ACAN: variants seen among roughly 807,000 people sequenced by gnomAD.
ACAN encodes aggrecan core protein.
Under a neutral mutation model 169.1 loss-of-function variants are expected in ACAN, and 47 were observed. That is an observed-to-expected ratio of 0.28 (90% CI 0.22 to 0.35). The LOEUF (loss-of-function observed/expected upper bound fraction) is 0.35, where lower values mean the gene tolerates loss of function less well. Among genes scored for constraint, ACAN ranks in the 10% least tolerant of loss-of-function variants. The pLI, the probability that ACAN is intolerant of heterozygous loss-of-function variation, is 1.00. For synonymous variants in ACAN, 1,115 were observed against 1,112.2 expected, an observed-to-expected ratio of 1.00 and a Z score of -0.05; for missense variants, 2,716 against 2,759.9, an observed-to-expected ratio of 0.98 and a Z score of 0.36.
At chr15:88,837,457 C>T (rs1347628010) in intron 2 of ACAN, among the ~76,000 whole-genome samples, 2 of 152,236 alleles carry the variant, frequency 1.3e-5, no homozygotes, top group African/African-American at 2.4e-5. Context: ...CATCTGTAGA[C>T]ATATGGGACA....
rs1472201561 is a variant in ACAN, at chr15:88,869,898, T to A, written c.7061-1484T>A. Among the ~76,000 whole-genome samples the A allele has an allele frequency of 6.6e-6, 1 of 152,050 alleles. No individual in the cohort carries two copies. Among genetic ancestry groups the A allele is most frequent in the African/African-American group, 2.4e-5 (1 of 41,384 alleles). On this transcript the variant is annotated intron_variant, in intron 14 of 18. Coordinates refer to ENST00000560601, the MANE Select transcript of ACAN (RefSeq NM_001369268.1). The surrounding 1 kb of genome is among the most constrained non-coding windows in gnomAD (Gnocchi z 4.2). ...ATCTTCAGCCTGCACAGCCCTGCCCTCCCATACCCACCTCCCAGAGAAGTT... is the reference window on the plus strand; with the variant it reads ...ATCTTCAGCCTGCACAGCCCTGCCCACCCATACCCACCTCCCAGAGAAGTT...
Position 88,866,624 on chromosome 15 carries a change from A to T in ACAN, c.6947-1592A>T, listed in dbSNP as rs1285328242. Among the ~76,000 whole-genome samples the T allele has an allele frequency of 1.3e-5, 2 of 152,006 alleles. No individual in the cohort carries two copies. Among genetic ancestry groups the T allele is most frequent in the African/African-American group, 4.8e-5 (2 of 41,392 alleles). ...TCATGGGAAGAAAGAGATGCCCAAC[A>T]ACTGGAGATTAGGGCCTTCGTGGAT... is the stretch of plus-strand genomic sequence containing the variant. On this transcript the variant is annotated intron_variant, in intron 13 of 18. Transcript: ENST00000560601. This position sits in a 1 kb window ranked among gnomAD's most constrained non-coding sequence, Gnocchi z 5.6.
intron 4 of ACAN, 38 bp from the exon 5 acceptor site, chr15:88,841,702 C>A: frequency 6.2e-7 from 1 of 1,613,028 alleles, no homozygotes; most frequent in Non-Finnish European, 8.5e-7. Context: ...TTCCCTTTGT[C>A]CCCTGAGTGT....
chr15:88,830,389 T>A (rs1596124457), intron 1 of ACAN, among the ~76,000 whole-genome samples: 2 of 152,220 alleles, frequency 1.3e-5, no homozygotes, highest in South Asian at 2.1e-4. Flanking sequence ...TCCAGCAACA[T>A]GTGCAGTGGA....
At position 88,858,931 on chromosome 15, in the gene ACAN, G is replaced by T; in HGVS notation, c.6346G>T (p.Ala2116Ser). 6.2e-7 allele frequency: 1 copy of T among 1,609,588 alleles called. No individual in the cohort carries two copies. The highest frequency in any genetic ancestry group is 8.5e-7 in the Non-Finnish European group (1 of 1,176,792). ...YPEAGFGASAAPEASREDSGS... is the reference protein window; with the variant it reads ...YPEAGFGASASPEASREDSGS... ...TGAAGCTGGGTTCGGGGCATCTGCC[G>T]CCCCTGAGGCCAGCAGAGAAGATTC... Residue 2116 changes from alanine (A) to serine (S), a missense_variant, in exon 12 of 19, where the codon GCC becomes TCC. Physicochemically the swap from Ala to Ser is moderately conservative, Grantham distance 99. This residue lies in a region of ACAN where 1,389 missense variants were observed against 1,363.7 expected (regional missense o/e 1.02). Coordinates refer to ENST00000560601, the MANE Select transcript of ACAN (RefSeq NM_001369268.1). This position sits in a 1 kb window ranked among gnomAD's most constrained non-coding sequence, Gnocchi z 4.0.
chr15:88,825,262 C>T (rs1896184749), intron 1 of ACAN, among the ~76,000 whole-genome samples: 1 of 152,146 alleles, frequency 6.6e-6, no homozygotes, highest in Non-Finnish European at 1.5e-5. Context: ...TGCTCCCACC[C>T]CCTCCAGCAG....
At position 88,838,479 on chromosome 15, in the gene ACAN, A is replaced by G. The variant is rs1190144902; in HGVS notation, c.71-184A>G. 1.3e-5 allele frequency among the ~76,000 whole-genome samples: 2 copies of G among 151,868 alleles called. No individual in the cohort carries two copies. The highest frequency in any genetic ancestry group is 3.9e-4 in the East Asian group (2 of 5,174). On this transcript the variant is annotated intron_variant, in intron 2 of 18. Coordinates refer to ENST00000560601, the MANE Select transcript of ACAN (RefSeq NM_001369268.1). This position sits in a 1 kb window ranked among gnomAD's most constrained non-coding sequence, Gnocchi z 5.1. ...GGTCTTGAGGAACACTGCTCTGGAA[A>G]GGGCGTGGCAAGCCTTTCTGGGAAT...
At chr15:88,829,692 A>G (rs1596124010) in intron 1 of ACAN, among the ~76,000 whole-genome samples, 1 of 152,096 alleles carries the variant, frequency 6.6e-6, no homozygotes, top group East Asian at 1.9e-4. Context: ...GTCCTTTCGA[A>G]TCCATCTTCT....
At chr15:88,844,290 T>C (rs1401634494) in intron 6 of ACAN, among the ~76,000 whole-genome samples, 5 of 135,568 alleles carry the variant, frequency 3.7e-5, no homozygotes, top group Non-Finnish European at 7.9e-5. Flanking sequence ...ACCACCATGC[T>C]TTGCTTTTTT....
rs1023060312 is a variant in ACAN at position 88,870,468 on chromosome 15, T to C, written c.7061-914T>C. ...GGAGAAAGGAGCCCTGATTGTAGCA[T>C]CTGCCAATTCCTGAGGTGTAAATGC... On this transcript the variant is annotated intron_variant, in intron 14 of 18. Transcript: ENST00000560601. This position sits in a 1 kb window ranked among gnomAD's most constrained non-coding sequence, Gnocchi z 6.3. Among the ~76,000 whole-genome samples the C allele has an allele frequency of 6.6e-6, 1 of 152,232 alleles. No homozygotes were observed. The highest frequency in any genetic ancestry group is 1.5e-5 in the Non-Finnish European group (1 of 68,044).
At chr15:88,845,413 G>T (rs1051948648) in intron 6 of ACAN, 92 bp from the exon 7 acceptor site, 1 of 1,497,464 alleles carries the variant, frequency 6.7e-7, no homozygotes. Flanking sequence ...CAGGGAAGGA[G>T]GGGGAGCCAT....
chr15:88,842,426 G>A (rs1400164827), intron 5 of ACAN, among the ~76,000 whole-genome samples: 1 of 152,100 alleles, frequency 6.6e-6, no homozygotes, highest in Non-Finnish European at 1.5e-5. Context: ...CACGCACGTG[G>A]ATGACACCCT....
chr15:88,830,455 C>T (rs144628818), intron 1 of ACAN, among the ~76,000 whole-genome samples: 6 of 152,324 alleles, frequency 3.9e-5, no homozygotes, highest in Admixed American at 2.0e-4. Context: ...CTACTACACT[C>T]CTAGGCCATA....
At chr15:88,854,474 GT>G (rs1262324304) in intron 11 of ACAN, among the ~76,000 whole-genome samples, 1 of 152,180 alleles carries the variant, frequency 6.6e-6, no homozygotes, top group Non-Finnish European at 1.5e-5. Context: ...GATGACCTTG[GT>G]GGTCTTCAGT....
At position 88,851,993 on chromosome 15, in the gene ACAN, G is replaced by T; in HGVS notation, c.2226G>T (p.Trp742Cys). 6.2e-7 allele frequency: 1 copy of T among 1,610,826 alleles called. No homozygotes were observed. Among genetic ancestry groups the T allele is most frequent in the Non-Finnish European group, 8.5e-7 (1 of 1,178,584 alleles). ...FTTEPENQTEWEPAYTPVGTS... is the reference protein window; with the variant it reads ...FTTEPENQTECEPAYTPVGTS... ...CCGAGCCAGAAAACCAGACAGAATG[G>T]GAACCAGCCTATACCCCAGTGGGCA... The change falls in exon 11 of 19, where the codon TGG becomes TGT. Residue 742 changes from tryptophan (W) to cysteine (C), a missense_variant. Physicochemically the swap from Trp to Cys is radical, Grantham distance 215 (BLOSUM62 -2). This residue lies in a region of ACAN where 1,283 missense variants were observed against 1,281.5 expected (regional missense o/e 1.00). Coordinates refer to ENST00000560601, the MANE Select transcript of ACAN (RefSeq NM_001369268.1). This position sits in a 1 kb window ranked among gnomAD's most constrained non-coding sequence, Gnocchi z 4.3.
rs1234564403 is a variant in ACAN at position 88,851,705 on chromosome 15, G to A, written c.2027-89G>A. 6.9e-7 allele frequency: 1 copy of A among 1,452,146 alleles called. No homozygotes were observed. The highest frequency in any genetic ancestry group is 9.1e-7 in the Non-Finnish European group (1 of 1,096,542). The allele number at this position is 1,452,146 out of a possible 1,614,324, so 90.0% of individuals were successfully genotyped here. ...TAGGAGGTGGGGCCTGGCCACCTCA[G>A]AGTCCCCTAGCTCCCCTCAAGAAGG... On this transcript the variant is annotated intron_variant, in intron 10 of 18. Coordinates refer to ENST00000560601, the MANE Select transcript of ACAN (RefSeq NM_001369268.1). This position sits in a 1 kb window ranked among gnomAD's most constrained non-coding sequence, Gnocchi z 4.3.
rs1297362746 is a variant in ACAN at position 88,838,060 on chromosome 15, A to T, written c.71-603A>T. Among the ~76,000 whole-genome samples, 12 of 151,330 alleles carry T rather than the reference A, an allele frequency of 7.9e-5. No homozygotes were observed. The highest frequency in any genetic ancestry group is 1.8e-4 in the Non-Finnish European group (12 of 67,880). ...TATCCCATCGCCTCTCCTGCATCTG[A>T]CTGTTTGCACACCAAAAGGTCTGAT... On this transcript the variant is annotated intron_variant, in intron 2 of 18. Transcript: ENST00000560601. This position sits in a 1 kb window ranked among gnomAD's most constrained non-coding sequence, Gnocchi z 5.1.
chr15:88,823,658 A>G (rs568518612), intron 1 of ACAN, among the ~76,000 whole-genome samples: 1 of 152,014 alleles, frequency 6.6e-6, no homozygotes, highest in Non-Finnish European at 1.5e-5. Context: ...GGCTGCAGCC[A>G]CCCCATCCTT....
At position 88,849,625 on chromosome 15, in the gene ACAN, G is replaced by C. The variant is rs763391616; in HGVS notation, c.1920G>C (p.Arg640Ser). The change falls in exon 10 of 19, where the codon AGG becomes AGC. Residue 640 changes from arginine (R) to serine (S), a missense_variant. Arg to Ser is a moderately radical substitution (Grantham distance 110). This residue lies in a region of ACAN where 1,283 missense variants were observed against 1,281.5 expected (regional missense o/e 1.00). Coordinates refer to ENST00000560601, the MANE Select transcript of ACAN (RefSeq NM_001369268.1). This position sits in a 1 kb window ranked among gnomAD's most constrained non-coding sequence, Gnocchi z 5.1. ...GSLRYPIVTP[R>S]PACGGDKPGV... ...TCCGCTACCCCATCGTCACCCCAAG[G>C]CCTGCCTGCGGTGGGGACAAGCCAG... The C allele has an allele frequency of 1.9e-5, 31 of 1,612,408 alleles. No homozygotes were observed. The highest frequency in any genetic ancestry group is 3.4e-6 in the Non-Finnish European group (4 of 1,179,546).
Sources: allele counts gnomAD v4.1 joint callset (sites outside exome capture counted in the v4.1 genomes callset), GRCh38; gene constraint gnomAD v4.1.1; regional missense constraint gnomAD v4.1.1; non-coding constraint Gnocchi (gnomAD v3.1); transcripts MANE v1.5; gene names NCBI Gene and HGNC (gene_info 2026-07-23, HGNC 2026-07-21).